Variants in RABGEF1 observed in about 807,000 individuals in gnomAD.
The protein encoded by RABGEF1 is RAB guanine nucleotide exchange factor 1, also known as rab5 GDP/GTP exchange factor.
A neutral mutation model predicts 57.3 loss-of-function variants in RABGEF1; 26 were observed. The ratio of observed to expected loss-of-function variants is 0.45; its 90% CI spans 0.33 to 0.63. RABGEF1 has a LOEUF of 0.63. Among genes scored for constraint, RABGEF1 ranks in the 20% least tolerant of loss-of-function variants. RABGEF1 has a pLI of 0.02. For missense variants in RABGEF1, 464 were observed against 607.6 expected (o/e 0.76, Z 2.48); for synonymous variants, 185 against 210.7 (o/e 0.88, Z 1.06).
rs1362847968 is a variant in RABGEF1 at position 66,795,647 on chromosome 7, G to C, written c.595+55G>C. ...GGTATTGCACAGGGATGACTGCTCA[G>C]TCTCTTAGCAATTTCTTTCTTTCTC... On this transcript the variant is annotated intron_variant, in intron 5 of 8. Coordinates refer to ENST00000284957, the MANE Select transcript of RABGEF1 (RefSeq NM_014504.3). The C allele has an allele frequency of 2.8e-6, 4 of 1,454,136 alleles. No individual in the cohort carries two copies. In the East Asian group the frequency reaches 9.1e-5, roughly 33 times the overall value. 90.1% of individuals were successfully genotyped at this position (1,454,136 alleles called of 1,614,324 possible). A position where few individuals can be genotyped will look rare whatever the true frequency, so the allele number is the denominator to read the frequency against.
chr7:66,778,052 C>G (rs149448536), intron 3 of RABGEF1, among the ~76,000 whole-genome samples: 2,336 of 152,226 alleles, frequency 0.015, 63 homozygotes, highest in East Asian at 0.095. Context: ...CTTAATATAA[C>G]TTAGCCAGGT....
chr7:66,765,184 T>G (rs2659888), intron 1 of RABGEF1, among the ~76,000 whole-genome samples: 73,191 of 147,626 alleles, frequency 0.5, 19,128 homozygotes, highest in East Asian at 0.73. Context: ...TGGAGAGGGA[T>G]ATAGGAAAGG....
At chr7:66,694,439 G>C (rs1167108204) in intron 1 of RABGEF1, among the ~76,000 whole-genome samples, 1 of 152,256 alleles carries the variant, frequency 6.6e-6, no homozygotes, top group Non-Finnish European at 1.5e-5. Context: ...CGGAACATAA[G>C]GTCTGGCTGG....
intron 1 of RABGEF1, among the ~76,000 whole-genome samples, chr7:66,683,883 A>G (rs995523673): frequency 6.6e-6 from 1 of 152,042 alleles, no homozygotes; most frequent in Admixed American, 6.6e-5. Context: ...TGAGACTGCA[A>G]ATGGGTGCCG....
chr7:66,791,539 C>T (rs1038873016), intron 4 of RABGEF1, among the ~76,000 whole-genome samples: 7 of 152,134 alleles, frequency 4.6e-5, no homozygotes, highest in Non-Finnish European at 1.0e-4. Context: ...AAGCAGTTAA[C>T]AGCAGTACAG....
intron 1 of RABGEF1, among the ~76,000 whole-genome samples, chr7:66,690,647 A>G (rs1365078818): frequency 1.3e-5 from 2 of 151,600 alleles, no homozygotes; most frequent in Admixed American, 6.6e-5. Flanking sequence ...TTGAGGCTGC[A>G]GTGGGCCATG....
intron 1 of RABGEF1, among the ~76,000 whole-genome samples, chr7:66,743,328 TA>T (rs1165345920): frequency 4.1e-4 from 59 of 142,672 alleles, no homozygotes; most frequent in Non-Finnish European, 4.6e-4. Context: ...GAAAAAAATT[TA>T]AAAAAAAAAA....
At chr7:66,755,138 C>G in intron 1 of RABGEF1, among the ~76,000 whole-genome samples, 1 of 152,056 alleles carries the variant, frequency 6.6e-6, no homozygotes, top group African/African-American at 2.4e-5. Flanking sequence ...ACTAAAAATA[C>G]AAAAAATTAG....
At chr7:66,753,934 T>C (rs1273549186) in intron 1 of RABGEF1, among the ~76,000 whole-genome samples, 1 of 150,518 alleles carries the variant, frequency 6.6e-6, no homozygotes, top group Non-Finnish European at 1.5e-5. Context: ...CTTGAACTCC[T>C]GACCTTGTGA....
chr7:66,809,386 G>A lies in RABGEF1; in HGVS notation c.*102G>A, dbSNP rs1351691776. 2.7e-6 allele frequency: 3 copies of A among 1,114,500 alleles called. No individual in the cohort carries two copies. The highest frequency in any genetic ancestry group is 1.6e-5 in the South Asian group (1 of 60,722). The allele number at this position is 1,114,500 out of a possible 1,614,324, so 69.0% of individuals were successfully genotyped here. On this transcript the variant is annotated 3_prime_UTR_variant, in exon 9 of 9. Transcript: ENST00000284957. Reference sequence around the variant, plus strand: ...GAATGTAACTAAATTGCTTATAAATGTCAGCATTTTTTAAAGGTACAGTAT... The same window carrying A: ...GAATGTAACTAAATTGCTTATAAATATCAGCATTTTTTAAAGGTACAGTAT...
intron 1 of RABGEF1, among the ~76,000 whole-genome samples, chr7:66,764,155 T>A (rs1416819632): frequency 3.3e-5 from 5 of 152,220 alleles, no homozygotes; most frequent in Non-Finnish European, 7.3e-5. Context: ...ACTTTTTGGT[T>A]CTAGTCATCC....
chr7:66,737,601 C>T (rs569345314), upstream of RABGEF1, among the ~76,000 whole-genome samples: 37 of 152,280 alleles, frequency 2.4e-4, no homozygotes, highest in Middle Eastern at 0.01. Context: ...TGATATAGTG[C>T]TGTTCTCCTT....
intron 1 of RABGEF1, among the ~76,000 whole-genome samples, chr7:66,742,594 A>G (rs1799238434): frequency 6.6e-6 from 1 of 152,184 alleles, no homozygotes; most frequent in Non-Finnish European, 1.5e-5. Flanking sequence ...GCCAGTAACT[A>G]CAAGGAGGTG....
chr7:66,808,365 A>T (rs554643712), intron 8 of RABGEF1, among the ~76,000 whole-genome samples: 152 of 152,098 alleles, frequency 1.0e-3, no homozygotes, highest in African/African-American at 3.6e-3. Context: ...ACAGGCGCCC[A>T]CAACTGCGCC....
chr7:66,794,058 A>G (rs74808964), intron 4 of RABGEF1, among the ~76,000 whole-genome samples: 1 of 152,294 alleles, frequency 6.6e-6, no homozygotes, highest in East Asian at 1.9e-4. Flanking sequence ...ACCCTGAATT[A>G]CATAACTGTT....
At chr7:66,727,504 C>A (rs1796723732) in intron 2 of RABGEF1, among the ~76,000 whole-genome samples, 1 of 152,236 alleles carries the variant, frequency 6.6e-6, no homozygotes, top group African/African-American at 2.4e-5. Context: ...TGGTCTGGAC[C>A]CCCAGGGATC....
intron 1 of RABGEF1, among the ~76,000 whole-genome samples, chr7:66,687,024 T>C (rs1427545269): frequency 6.6e-6 from 1 of 151,108 alleles, no homozygotes; most frequent in East Asian, 1.9e-4. Context: ...GGTTTCACTG[T>C]GTTAGCCAGG....
At chr7:66,747,239 A>C (rs1031033284) in intron 1 of RABGEF1, among the ~76,000 whole-genome samples, 1 of 152,336 alleles carries the variant, frequency 6.6e-6, no homozygotes, top group African/African-American at 2.4e-5. Context: ...GAATGCGTAA[A>C]ATATTACACA....
intron 1 of RABGEF1, among the ~76,000 whole-genome samples, chr7:66,766,420 G>C (rs62466855): frequency 0.037 from 5,565 of 151,966 alleles, 161 homozygotes; most frequent in East Asian, 0.085. Flanking sequence ...ACTATAGGAT[G>C]TAGTAGATGG....
Sources: gnomAD v4.1 joint callset for allele counts (sites outside exome capture counted in the v4.1 genomes callset) on GRCh38, gnomAD v4.1.1 for gene constraint, MANE v1.5 for transcripts, NCBI Gene and HGNC (gene_info 2026-07-23, HGNC 2026-07-21) for gene names.